COL12A1: variants seen among roughly 807,000 people sequenced by gnomAD.
COL12A1 encodes the protein collagen type XII alpha 1 chain.
Under a neutral mutation model 349.7 loss-of-function variants are expected in COL12A1, and 114 were observed. The ratio of observed to expected loss-of-function variants is 0.33; its 90% CI spans 0.28 to 0.38. COL12A1 has a LOEUF of 0.38. COL12A1 is among the 10% of genes least tolerant of loss of function. The probability of loss-of-function intolerance (pLI) is 1.00; values close to 1 mark genes in which losing one functional copy is unlikely to be tolerated. For synonymous variants in COL12A1, 1,369 were observed against 1,329.0 expected (o/e 1.03, Z -0.66); for missense variants, 3,284 against 3,756.9 (o/e 0.87, Z 3.29).
rs1770596486 is a variant in COL12A1, at chr6:75,202,760, G to C, written c.33C>G (p.Ala11=). The C allele has an allele frequency of 1.9e-5, 29 of 1,551,914 alleles. No homozygotes were observed. Among genetic ancestry groups the C allele is most frequent in the Non-Finnish European group, 2.5e-5 (29 of 1,147,048 alleles). The change falls in exon 2 of 66, where the codon GCC becomes GCG. Residue 11 remains alanine, a synonymous_variant. Coordinates refer to ENST00000322507, the MANE Select transcript of COL12A1 (RefSeq NM_004370.6). The stretch of plus-strand genomic sequence containing the variant: ...AAGACAGGAGCAGGGCCGCGCCCAG[G>C]GCGGCAAGCGCTGGGGGAAGCCTAC... The part of the protein sequence containing the change: MRSRLPPALA[A]LGAALLLSSI...
rs1582198155 is a variant in COL12A1, at chr6:75,183,912, C to A, written c.1230G>T (p.Met410Ile). Residue 410 changes from methionine (M) to isoleucine (I), a missense_variant, in exon 9 of 66, where the codon ATG becomes ATT. Physicochemically the swap from Met to Ile is conservative, Grantham distance 10 (BLOSUM62 1). Coordinates refer to ENST00000322507, the MANE Select transcript of COL12A1 (RefSeq NM_004370.6). Reference protein sequence around the residue: ...YQISVSAMKGMTSSEPISIME... With the variant: ...YQISVSAMKGITSSEPISIME... The stretch of plus-strand genomic sequence containing the variant: ...TTATTGAAATGGGTTCACTGGATGT[C>A]ATTCCCTTCATGGCGGAAACACTGA... 2 of 1,614,048 alleles carry A rather than the reference C, an allele frequency of 1.2e-6. No individual in the cohort carries two copies. The highest frequency in any genetic ancestry group is 1.7e-6 in the Non-Finnish European group (2 of 1,180,040).
chr6:75,145,487 T>A (rs1308495828), intron 24 of COL12A1, 32 bp from the exon 25 acceptor site: 1 of 1,596,830 alleles, frequency 6.3e-7, no homozygotes. Flanking sequence ...AGAAATAAGA[T>A]ATTCAAATCA....
In COL12A1 at chr6:75,085,919, C is replaced by T. The variant is rs1250968546; in HGVS notation, c.*628G>A. ...AACAGGAAGAAAAGGTGATTTTAAA[C>T]TTTGGTTTGAAAATTGCAGTTACAA... On this transcript the variant is annotated 3_prime_UTR_variant, in exon 66 of 66. Coordinates refer to ENST00000322507, the MANE Select transcript of COL12A1 (RefSeq NM_004370.6). 1 of 153,682 alleles carries T rather than the reference C, an allele frequency of 6.5e-6. No homozygotes were observed. 9.5% of individuals were successfully genotyped at this position (153,682 alleles called of 1,614,324 possible). A position where few individuals can be genotyped will look rare whatever the true frequency, so the allele number is the denominator to read the frequency against.
rs1432565347 is a variant in COL12A1 at position 75,189,525 on chromosome 6, A to G, written c.658+27T>C. ...TGAAACAGACATTTCATTTATTTTT[A>G]ACTTTAAAAAAATCTGTAGAACATA... On this transcript the variant is annotated intron_variant, in intron 6 of 65. Transcript: ENST00000322507. The G allele has an allele frequency of 2.5e-6, 4 of 1,594,006 alleles. No individual in the cohort carries two copies. The East Asian group carries it at 8.9e-5, about 36-fold the overall frequency.
intron 11 of COL12A1, among the ~76,000 whole-genome samples, chr6:75,180,028 C>T (rs899108019): frequency 4.6e-5 from 7 of 152,160 alleles, no homozygotes; most frequent in Non-Finnish European, 5.9e-5. Flanking sequence ...GGGCGCTATG[C>T]CACACACCTG....
In COL12A1 at chr6:75,113,754, A is replaced by G. The variant is rs1209387997; in HGVS notation, c.7698-10T>C. 16 of 1,548,112 alleles carry G rather than the reference A, an allele frequency of 1.0e-5. No individual in the cohort carries two copies. The highest frequency in any genetic ancestry group is 1.4e-5 in the Non-Finnish European group (16 of 1,146,974). On this transcript the variant is annotated splice_polypyrimidine_tract_variant and intron_variant, in intron 49 of 65. Transcript: ENST00000322507. ...ATTTGGGTGTAGGTCTCTGTTGGAT[A>G]AAACAAAAGAAAGAAAAAGGAGAGG...
At chr6:75,127,529 A>G (rs747855305) in intron 38 of COL12A1, among the ~76,000 whole-genome samples, 15 of 152,190 alleles carry the variant, frequency 9.9e-5, no homozygotes, top group Non-Finnish European at 2.1e-4. Flanking sequence ...CAGCAATGCA[A>G]ATATCTACCA....
At position 75,137,557 on chromosome 6, in the gene COL12A1, G is replaced by C. The variant is rs374747725; in HGVS notation, c.5274C>G (p.Asn1758Lys). Residue 1758 changes from asparagine to lysine, a missense_variant, in exon 31 of 66, where the codon AAC (asparagine) becomes AAG (lysine). Transcript: ENST00000322507. ...TAGATGTTGCATTGTACACTTGAAG[G>C]TTTCGTGGGCCACTTTTGGGAGCTG... is the stretch of plus-strand genomic sequence containing the variant. ...TTQAPKSGPR[N>K]LQVYNATSNS... 6.2e-7 allele frequency: 1 copy of C among 1,613,668 alleles called. No individual in the cohort carries two copies. Among genetic ancestry groups the C allele is most frequent in the Admixed American group, 1.7e-5 (1 of 59,970 alleles).
intron 33 of COL12A1, 33 bp from the exon 34 acceptor site, chr6:75,133,455 T>A (rs1766414124): frequency 2.5e-6 from 4 of 1,584,144 alleles, no homozygotes; most frequent in Admixed American, 3.7e-5. Context: ...AAGCATTGAC[T>A]TGAAAAATTT....
intron 26 of COL12A1, 93 bp from the exon 27 acceptor site, chr6:75,142,254 T>C (rs1562210463): frequency 6.9e-7 from 1 of 1,439,534 alleles, no homozygotes; most frequent in South Asian, 1.2e-5. Flanking sequence ...CGTAAGAATA[T>C]AAAATTGTGA....
Position 75,125,260 on chromosome 6 carries a change from G to A in COL12A1, c.6474C>T (p.Pro2158=). 1 of 1,605,382 alleles carries A rather than the reference G, an allele frequency of 6.2e-7. No individual in the cohort carries two copies. The highest frequency in any genetic ancestry group is 8.5e-7 in the Non-Finnish European group (1 of 1,176,004). The change falls in exon 40 of 66, where the codon CCC becomes CCT. Residue 2158 remains proline (P), a synonymous_variant. Transcript: ENST00000322507. ...TCATTTCTCCAACAAAGGCTTCCAT[G>A]GGCTCATTGGAACCTTTATTAACAA... ...IVYKPVGSNE[P]MEAFVGEMTS... is the part of the protein sequence containing the mutation.
intron 1 of COL12A1, among the ~76,000 whole-genome samples, chr6:75,205,196 C>T (rs986960621): frequency 6.7e-6 from 1 of 149,842 alleles, no homozygotes; most frequent in Admixed American, 6.7e-5. Flanking sequence ...AGAATGAGTA[C>T]CCTAGTGCTG....
chr6:75,095,059 A>T (rs1582037717), intron 60 of COL12A1, 49 bp downstream of exon 60: 9 of 1,524,072 alleles, frequency 5.9e-6, no homozygotes, highest in Middle Eastern at 1.7e-4. Flanking sequence ...CTCATTATTT[A>T]TTTCCACGGT....
intron 58 of COL12A1, among the ~76,000 whole-genome samples, chr6:75,098,780 C>T (rs144815751): frequency 6.6e-6 from 1 of 152,294 alleles, no homozygotes; most frequent in African/African-American, 2.4e-5. Flanking sequence ...CACACAAAGG[C>T]CAGAACTGCC....
intron 46 of COL12A1, among the ~76,000 whole-genome samples, chr6:75,118,287 G>GA (rs557878299): frequency 6.6e-6 from 1 of 151,806 alleles, no homozygotes; most frequent in African/African-American, 2.4e-5. Context: ...AACCTCTATT[G>GA]AAAAAAAGAC....
At chr6:75,163,650 T>A (rs1195577189) in intron 14 of COL12A1, among the ~76,000 whole-genome samples, 1 of 152,110 alleles carries the variant, frequency 6.6e-6, no homozygotes, top group Non-Finnish European at 1.5e-5. Context: ...ACCCCAGAAC[T>A]TAAAGTATAA....
intron 21 of COL12A1, among the ~76,000 whole-genome samples, chr6:75,149,974 G>T (rs1444853154): frequency 2.6e-5 from 4 of 152,088 alleles, no homozygotes; most frequent in Non-Finnish European, 5.9e-5. Context: ...TATTTCTCCA[G>T]GGAAAAGGTC....
intron 14 of COL12A1, among the ~76,000 whole-genome samples, 154 bp downstream of exon 14, chr6:75,165,353 G>C (rs976816683): frequency 4.6e-5 from 7 of 151,826 alleles, no homozygotes; most frequent in African/African-American, 1.7e-4. Flanking sequence ...AACCTACTCT[G>C]AATTTAAGCC....
intron 34 of COL12A1, among the ~76,000 whole-genome samples, chr6:75,132,427 C>T (rs1766354207): frequency 6.6e-6 from 1 of 152,190 alleles, no homozygotes; most frequent in Non-Finnish European, 1.5e-5. Context: ...GAAGAAGAGA[C>T]ATTTTTTAAG....
Sources: allele counts gnomAD v4.1 joint callset (sites outside exome capture counted in the v4.1 genomes callset), GRCh38; gene constraint gnomAD v4.1.1; transcripts MANE v1.5; gene names NCBI Gene and HGNC (gene_info 2026-07-23, HGNC 2026-07-21).